AK1: variants seen among roughly 807,000 people sequenced by gnomAD.
AK1 encodes adenylate kinase 1, also known as adenylate kinase isoenzyme 1.
A neutral mutation model predicts 23.9 loss-of-function variants in AK1; 13 were observed. That is an observed-to-expected ratio of 0.54 (90% confidence interval 0.35 to 0.86). The LOEUF (loss-of-function observed/expected upper bound fraction) is 0.86, where lower values mean the gene tolerates loss of function less well. AK1 is among the 40% of genes least tolerant of loss of function. AK1 has a pLI of 0.01. For missense variants in AK1, 214 were observed against 255.1 expected (o/e 0.84, Z 1.10); for synonymous variants, 97 against 102.8 (o/e 0.94, Z 0.34).
intron 5 of AK1, chr9:127,869,281 CA>C (rs1829328383): frequency 6.5e-6 from 1 of 152,686 alleles, no homozygotes. Flanking sequence ...ATGACTGCCA[CA>C]GCTTTAGGAA....
intron 5 of AK1, among the ~76,000 whole-genome samples, chr9:127,870,030 G>A (rs1254077577): frequency 2.0e-5 from 3 of 152,054 alleles, no homozygotes; most frequent in African/African-American, 4.8e-5. Context: ...GGTGTGAGCC[G>A]GCCACACTTC....
Position 127,872,746 on chromosome 9 carries a change from A to T in AK1, c.151T>A (p.Ser51Thr). The T allele has an allele frequency of 1.2e-6, 2 of 1,614,086 alleles. No homozygotes were observed. The highest frequency in any genetic ancestry group is 1.7e-6 in the Non-Finnish European group (2 of 1,180,012). The change falls in exon 4 of 7, where the codon TCG becomes ACG. Residue 51 changes from serine to threonine, a missense_variant. Transcript: ENST00000644144. ...TCCGACAGCTTCTTGCCCCTGGCCG[A>T]GCCTGAGCTGACCTCGGACCGCAGG... ...DLLRSEVSSG[S>T]ARGKKLSEIM...
upstream of AK1, chr9:127,878,626 G>C (rs1165759787): frequency 6.6e-6 from 1 of 152,210 alleles, no homozygotes; most frequent in Non-Finnish European, 1.5e-5. Context: ...TTGTATTATA[G>C]GCCCTAGGGA....
At chr9:127,874,482 G>T in intron 2 of AK1, 129 bp downstream of exon 2, 1 of 1,599,874 alleles carries the variant, frequency 6.3e-7, no homozygotes. Flanking sequence ...GAGGCTCCCA[G>T]CCAGGCCCCC....
chr9:127,868,821 T>G lies in AK1; in HGVS notation c.325-309A>C, dbSNP rs1488090872. ...AGACCTGTGCTCATGCTGTTCCCTC[T>G]GCTAGGAGCCCTCTCCCCCGAGCCT... On this transcript the variant is annotated intron_variant, in intron 5 of 6. Transcript: ENST00000644144. This position sits in a 1 kb window ranked among gnomAD's most constrained non-coding sequence, Gnocchi z 4.1. Among the ~76,000 whole-genome samples the G allele has an allele frequency of 2.0e-5, 3 of 152,156 alleles. No homozygotes were observed. Among genetic ancestry groups the G allele is most frequent in the African/African-American group, 7.2e-5 (3 of 41,432 alleles).
chr9:127,878,115 T>G (rs1389743374), upstream of AK1, among the ~76,000 whole-genome samples: 10 of 152,184 alleles, frequency 6.6e-5, no homozygotes, highest in Admixed American at 6.5e-4. Flanking sequence ...GGGGCTTTGC[T>G]GGCCACAGTC....
Position 127,868,620 on chromosome 9 carries a change from ATCCCT to A in AK1, c.325-113_325-109del. 1.5e-6 allele frequency: 2 copies of A among 1,311,844 alleles called. No homozygotes were observed. The highest frequency in any genetic ancestry group is 2.1e-6 in the Non-Finnish European group (2 of 943,352). 81.3% of individuals were successfully genotyped at this position (1,311,844 alleles called of 1,614,324 possible). On this transcript the variant is annotated intron_variant, in intron 5 of 6. Coordinates refer to ENST00000644144, the MANE Select transcript of AK1 (RefSeq NM_000476.3). The surrounding 1 kb of genome is among the most constrained non-coding windows in gnomAD (Gnocchi z 4.1). The stretch of plus-strand genomic sequence containing the variant: ...CAGTAGATACCCCCTCAGACCTTCA[ATCCCT>A]TCCCCAAGGCAGCCTGAAAGACCTT...
In AK1 at chr9:127,871,417, C is replaced by T. The variant is rs1284487152; in HGVS notation, c.324+406G>A. Among the ~76,000 whole-genome samples the T allele has an allele frequency of 6.6e-6, 1 of 151,440 alleles. No homozygotes were observed. Among genetic ancestry groups the T allele is most frequent in the Admixed American group, 6.6e-5 (1 of 15,246 alleles). ...CAGCCCTGCCAGTGCTGTTCCCTGCCCCTCTGTGTGTTTATAGGGAGCCAA... is the reference window on the plus strand; with the variant it reads ...CAGCCCTGCCAGTGCTGTTCCCTGCTCCTCTGTGTGTTTATAGGGAGCCAA... On this transcript the variant is annotated intron_variant, in intron 5 of 6. Transcript: ENST00000644144. The surrounding 1 kb of genome is among the most constrained non-coding windows in gnomAD (Gnocchi z 4.4).
chr9:127,872,890 A>G, intron 3 of AK1, 37 bp from the exon 4 acceptor site: 1 of 1,613,572 alleles, frequency 6.2e-7, no homozygotes, highest in Non-Finnish European at 8.5e-7. Flanking sequence ...CCCGAGACAC[A>G]GGGTCCCAGG....
intron 4 of AK1, among the ~76,000 whole-genome samples, chr9:127,872,216 G>A (rs1173128619): frequency 6.6e-6 from 1 of 152,186 alleles, no homozygotes; most frequent in African/African-American, 2.4e-5. Context: ...GACCAATTAG[G>A]CCTTCCCTGC....
Position 127,873,065 on chromosome 9 carries a change from C to G in AK1, c.8-4G>C. On this transcript the variant is annotated splice_polypyrimidine_tract_variant and splice_region_variant and intron_variant, in intron 2 of 6. Coordinates refer to ENST00000644144, the MANE Select transcript of AK1 (RefSeq NM_000476.3). ...ATCTTGGTTTTCTTCAGCTTCTCTG[C>G]GGGAGAGAAAAGGGGAGCAGGGCTC... The G allele has an allele frequency of 6.2e-7, 1 of 1,613,700 alleles. No individual in the cohort carries two copies. Among genetic ancestry groups the G allele is most frequent in the Non-Finnish European group, 8.5e-7 (1 of 1,179,804 alleles).
In AK1 at chr9:127,871,725, C is replaced by T; in HGVS notation, c.324+98G>A. 1.0e-6 allele frequency: 1 copy of T among 961,086 alleles called. No homozygotes were observed. The highest frequency in any genetic ancestry group is 1.7e-5 in the Admixed American group (1 of 58,532). The allele number at this position is 961,086 out of a possible 1,614,324, so 59.5% of individuals were successfully genotyped here. ...TCCATGAATCAGCCTCTGCTCAGAA[C>T]TCTGACCTGCATCACAGCCCCCGCA... On this transcript the variant is annotated intron_variant, in intron 5 of 6. Transcript: ENST00000644144. This position sits in a 1 kb window ranked among gnomAD's most constrained non-coding sequence, Gnocchi z 4.4.
At position 127,871,168 on chromosome 9, in the gene AK1, C is replaced by T. The variant is rs560651196; in HGVS notation, c.324+655G>A. ...GTATGTGCAAGCGTCCACGTGTGTG[C>T]GTGTGTGGGGTGCCCCATCCTGGGG... On this transcript the variant is annotated intron_variant, in intron 5 of 6. Coordinates refer to ENST00000644144, the MANE Select transcript of AK1 (RefSeq NM_000476.3). The surrounding 1 kb of genome is among the most constrained non-coding windows in gnomAD (Gnocchi z 4.4). 2.6e-5 allele frequency among the ~76,000 whole-genome samples: 4 copies of T among 151,746 alleles called. No homozygotes were observed. Among genetic ancestry groups the T allele is most frequent in the Admixed American group, 6.5e-5 (1 of 15,278 alleles).
chr9:127,873,287 G>A (rs1829460496), intron 2 of AK1: 2 of 1,532,754 alleles, frequency 1.3e-6, no homozygotes, highest in Admixed American at 2.0e-5. Flanking sequence ...AGCCAGACGG[G>A]CAGAGGCAAA....
Position 127,868,560 on chromosome 9 carries a change from GCCATCTCCTCC to G in AK1, c.325-59_325-49del. ...AGGGACCCCATTCCTGCCCCCTAGGGCCATCTCCTCCCCATCTTCCCATCTATGAAGCCCCA... is the reference window on the plus strand; with the variant it reads ...AGGGACCCCATTCCTGCCCCCTAGGGCCATCTTCCCATCTATGAAGCCCCA... On this transcript the variant is annotated intron_variant, in intron 5 of 6. Transcript: ENST00000644144. This position sits in a 1 kb window ranked among gnomAD's most constrained non-coding sequence, Gnocchi z 4.1. 6.5e-7 allele frequency: 1 copy of G among 1,543,816 alleles called. No homozygotes were observed. Among genetic ancestry groups the G allele is most frequent in the Non-Finnish European group, 8.7e-7 (1 of 1,143,124 alleles).
At chr9:127,879,077 AC>A (rs1829595232), upstream of AK1, among the ~76,000 whole-genome samples, 1 of 150,624 alleles carries the variant, frequency 6.6e-6, no homozygotes, top group Admixed American at 6.6e-5. Context: ...ACACACACAC[AC>A]ACACACACAC....
chr9:127,869,181 A>T (rs1829325740), intron 5 of AK1, among the ~76,000 whole-genome samples: 1 of 152,172 alleles, frequency 6.6e-6, no homozygotes, highest in South Asian at 2.1e-4. Context: ...TTGGAAAGGC[A>T]AGAGGAATAA....
intron 1 of AK1, chr9:127,874,921 C>A: frequency 2.1e-6 from 1 of 475,366 alleles, no homozygotes. Flanking sequence ...CCTGGGTTCC[C>A]GCTGGAGGGG....
chr9:127,874,467 T>C, intron 2 of AK1, 144 bp downstream of exon 2: 5 of 1,589,660 alleles, frequency 3.1e-6, no homozygotes, highest in Non-Finnish European at 4.3e-6. Context: ...CAGAGGAGGA[T>C]ACTGGAGGCT....
Sources: allele counts gnomAD v4.1 joint callset (sites outside exome capture counted in the v4.1 genomes callset), GRCh38; gene constraint gnomAD v4.1.1; non-coding constraint Gnocchi (gnomAD v3.1); transcripts MANE v1.5; gene names NCBI Gene and HGNC (gene_info 2026-07-23, HGNC 2026-07-21).